The following PAM variants were observed in gnomAD, a reference collection of about 807,000 sequenced individuals.
PAM encodes peptidyl-glycine alpha-amidating monooxygenase.
In PAM, 72 loss-of-function variants were observed where a neutral mutation model predicts 122.1. The observed-to-expected ratio is 0.59, with a 90% CI of 0.49 to 0.72. The LOEUF (loss-of-function observed/expected upper bound fraction) is 0.72. Ranked by LOEUF, PAM falls within the 30% of genes least tolerant of loss-of-function variation. The pLI is 0.00. For synonymous variants in PAM, 389 were observed against 404.4 expected, an observed-to-expected ratio of 0.96 and a Z score of 0.46; for missense variants, 1,106 against 1,183.7, an observed-to-expected ratio of 0.93 and a Z score of 0.96.
chr5:102,879,888 A>G (rs965180065), intron 3 of PAM, among the ~76,000 whole-genome samples: 4 of 152,232 alleles, frequency 2.6e-5, no homozygotes, highest in African/African-American at 7.2e-5. Flanking sequence ...CTAGGTGTGT[A>G]GTAGATTATA....
chr5:102,902,808 C>T (rs965088146), intron 4 of PAM, among the ~76,000 whole-genome samples: 2 of 151,404 alleles, frequency 1.3e-5, no homozygotes, highest in Admixed American at 1.3e-4. Flanking sequence ...GAGAAGGCCA[C>T]CCTACACACC....
intron 1 of PAM, among the ~76,000 whole-genome samples, chr5:102,797,106 A>G (rs1244937382): frequency 6.6e-6 from 1 of 152,234 alleles, no homozygotes; most frequent in South Asian, 2.1e-4. Flanking sequence ...TATCTTTAAC[A>G]TACCAAAGGA....
At chr5:102,907,765 G>A (rs1485353678) in intron 4 of PAM, among the ~76,000 whole-genome samples, 1 of 152,220 alleles carries the variant, frequency 6.6e-6, no homozygotes, top group Admixed American at 6.6e-5. Flanking sequence ...CTGCATAAAT[G>A]TCTTCTTTTG....
chr5:102,817,080 A>T (rs944753304), intron 1 of PAM, among the ~76,000 whole-genome samples: 3 of 151,692 alleles, frequency 2.0e-5, no homozygotes, highest in Non-Finnish European at 4.4e-5. Flanking sequence ...TCTCACTCTC[A>T]CTCATGAGAT....
At chr5:102,956,074 C>G (rs1293369566) in intron 12 of PAM, among the ~76,000 whole-genome samples, 1 of 151,994 alleles carries the variant, frequency 6.6e-6, no homozygotes, top group Non-Finnish European at 1.5e-5. Flanking sequence ...TTTTGTTCAG[C>G]TCTTTTAATG....
At chr5:102,983,785 A>G (rs1770772062) in intron 15 of PAM, among the ~76,000 whole-genome samples, 1 of 152,210 alleles carries the variant, frequency 6.6e-6, no homozygotes. Flanking sequence ...AAAAACATCA[A>G]GAGTAAAGCA....
chr5:102,848,602 G>T (rs574882435), intron 1 of PAM, among the ~76,000 whole-genome samples: 1 of 152,148 alleles, frequency 6.6e-6, no homozygotes, highest in Non-Finnish European at 1.5e-5. Flanking sequence ...AGACTTTTTA[G>T]GGAGGTGTCT....
At chr5:102,779,301 G>A in intron 1 of PAM, among the ~76,000 whole-genome samples, 1 of 151,576 alleles carries the variant, frequency 6.6e-6, no homozygotes, top group Non-Finnish European at 1.5e-5. Flanking sequence ...ACAGGAATAA[G>A]TAATTTATAA....
At chr5:102,838,979 A>C (rs1346490506) in intron 1 of PAM, among the ~76,000 whole-genome samples, 1 of 152,164 alleles carries the variant, frequency 6.6e-6, no homozygotes. Flanking sequence ...TAAGTGTTGG[A>C]GTTCCTAGAA....
At chr5:103,022,910 G>T (rs957472013) in intron 23 of PAM, among the ~76,000 whole-genome samples, 2 of 152,142 alleles carry the variant, frequency 1.3e-5, no homozygotes, top group Non-Finnish European at 2.9e-5. Flanking sequence ...CTCTTGTGAA[G>T]AGTAGCAATA....
intron 4 of PAM, among the ~76,000 whole-genome samples, chr5:102,902,620 T>A (rs1057186564): frequency 6.6e-6 from 1 of 151,590 alleles, no homozygotes; most frequent in African/African-American, 2.4e-5. Context: ...CATACATTCA[T>A]AATTAAAATC....
intron 3 of PAM, among the ~76,000 whole-genome samples, chr5:102,877,741 C>A (rs1015710367): frequency 6.6e-6 from 1 of 151,948 alleles, no homozygotes; most frequent in Non-Finnish European, 1.5e-5. Context: ...AATAAAAATT[C>A]AAATTGGGCT....
At chr5:102,937,246 A>G (rs1349302756) in intron 7 of PAM, among the ~76,000 whole-genome samples, 1 of 152,156 alleles carries the variant, frequency 6.6e-6, no homozygotes, top group African/African-American at 2.4e-5. Context: ...TGATTTAGAT[A>G]TATCTTTTTG....
chr5:102,913,926 C>T lies in PAM; in HGVS notation c.269-8C>T, dbSNP rs200465692. The T allele has an allele frequency of 5.2e-6, 8 of 1,551,546 alleles. No individual in the cohort carries two copies. The highest frequency in any genetic ancestry group is 4.5e-5 in the East Asian group (2 of 44,516). On this transcript the variant is annotated splice_region_variant and splice_polypyrimidine_tract_variant and intron_variant, in intron 4 of 25. Transcript: ENST00000438793. The stretch of plus-strand genomic sequence containing the variant: ...TATTCACATACATGTATTATTTTCT[C>T]GTAACAGTTGACTTCAAGCCTCGAG...
intron 17 of PAM, among the ~76,000 whole-genome samples, chr5:103,003,639 A>C (rs936782647): frequency 6.6e-6 from 1 of 152,140 alleles, no homozygotes; most frequent in African/African-American, 2.4e-5. Flanking sequence ...GGGGCTAATA[A>C]TCTTAAGTTC....
rs111692712 is a variant in PAM, at chr5:102,922,994, A to G, written c.357-1963A>G. On this transcript the variant is annotated intron_variant, in intron 5 of 25. Transcript: ENST00000438793. ...GTACAATTCTCACATGGTAATGATC[A>G]GTCATCATAAGTATATTGTATTTGA... 5.1e-3 allele frequency among the ~76,000 whole-genome samples: 775 copies of G among 152,342 alleles called. 7 individuals are homozygous for G. The highest frequency in any genetic ancestry group is 0.018 in the African/African-American group (739 of 41,582).
At chr5:102,774,704 A>T (rs1484672271) in intron 1 of PAM, among the ~76,000 whole-genome samples, 1 of 152,032 alleles carries the variant, frequency 6.6e-6, no homozygotes, top group Non-Finnish European at 1.5e-5. Flanking sequence ...TTTGTTCTTT[A>T]CGTATTGATA....
At chr5:102,765,855 T>C (rs1293418346) in intron 1 of PAM, among the ~76,000 whole-genome samples, 3 of 152,180 alleles carry the variant, frequency 2.0e-5, no homozygotes, top group Non-Finnish European at 4.4e-5. Flanking sequence ...GACACAGTAA[T>C]ATTGGATTAT....
intron 14 of PAM, among the ~76,000 whole-genome samples, chr5:102,963,369 G>C (rs1763086272): frequency 6.6e-6 from 1 of 151,894 alleles, no homozygotes; most frequent in Admixed American, 6.6e-5. Flanking sequence ...GTGTCTATTT[G>C]TATGCATTCT....
Sources: allele counts gnomAD v4.1 joint callset (sites outside exome capture counted in the v4.1 genomes callset), GRCh38; gene constraint gnomAD v4.1.1; transcripts MANE v1.5; gene names NCBI Gene and HGNC (gene_info 2026-07-23, HGNC 2026-07-21).